Variants in SOBP observed in about 807,000 individuals in gnomAD.
SOBP encodes the protein sine oculis-binding protein homolog.
Under a neutral mutation model 53.6 loss-of-function variants are expected in SOBP, and 4 were observed. That is an observed-to-expected ratio of 0.07 (90% CI 0.04 to 0.17). The LOEUF (loss-of-function observed/expected upper bound fraction) is 0.17. SOBP is among the 10% of genes least tolerant of loss of function. The pLI, the probability that SOBP is intolerant of heterozygous loss-of-function variation, is 1.00. For synonymous variants in SOBP, 584 were observed against 522.6 expected (o/e 1.12, Z -1.60); for missense variants, 1,088 against 1,204.7 (o/e 0.90, Z 1.43).
chr6:107,522,475 A>G (rs1243957691), intron 3 of SOBP, among the ~76,000 whole-genome samples: 2 of 151,918 alleles, frequency 1.3e-5, no homozygotes, highest in Non-Finnish European at 2.9e-5. Context: ...ACAGTGCCTC[A>G]CATATAAGTA....
Position 107,545,556 on chromosome 6 carries a change from G to C in SOBP, c.573+11946G>C, listed in dbSNP as rs942976118. Among the ~76,000 whole-genome samples the C allele has an allele frequency of 5.9e-5, 9 of 152,278 alleles. No individual in the cohort carries two copies. The Middle Eastern group carries it at 0.014, about 230-fold the overall frequency. On this transcript the variant is annotated intron_variant, in intron 4 of 6. Coordinates refer to ENST00000317357, the MANE Select transcript of SOBP (RefSeq NM_018013.4). ...ATGATGACAACTCTATAGAAATGTA[G>C]TGACAAATAAATAGGCAGGTAAGTA... is the stretch of plus-strand genomic sequence containing the variant.
intron 5 of SOBP, among the ~76,000 whole-genome samples, chr6:107,611,957 A>C (rs1786615694): frequency 6.6e-6 from 1 of 152,320 alleles, no homozygotes; most frequent in African/African-American, 2.4e-5. Flanking sequence ...TATGCATTAC[A>C]TCCTCTATAC....
At chr6:107,604,998 C>CA (rs1010959011) in intron 5 of SOBP, among the ~76,000 whole-genome samples, 42 of 152,306 alleles carry the variant, frequency 2.8e-4, no homozygotes, top group African/African-American at 1.0e-3. Context: ...TCCCTGGCCT[C>CA]ACTTCCCTTC....
Position 107,635,382 on chromosome 6 carries a change from C to T in SOBP, c.2538C>T (p.Ser846=), listed in dbSNP as rs902803715. Residue 846 remains serine (S), a synonymous_variant, in exon 6 of 7, where the codon TCC becomes TCT. Transcript: ENST00000317357. This position sits in a 1 kb window ranked among gnomAD's most constrained non-coding sequence, Gnocchi z 4.5. ...EKAAMAPCII[S]SPMLSAGPED... ...CTGCCATGGCACCGTGCATCATCTCCTCGCCCATGCTCAGCGCCGGGCCTG... is the reference window on the plus strand; with the variant it reads ...CTGCCATGGCACCGTGCATCATCTCTTCGCCCATGCTCAGCGCCGGGCCTG... The T allele has an allele frequency of 1.7e-5, 28 of 1,613,358 alleles. No homozygotes were observed. The highest frequency in any genetic ancestry group is 2.2e-5 in the Non-Finnish European group (26 of 1,180,014).
At chr6:107,562,626 C>G (rs1583214457) in intron 4 of SOBP, among the ~76,000 whole-genome samples, 1 of 152,252 alleles carries the variant, frequency 6.6e-6, no homozygotes. Flanking sequence ...CTGGGGCAAA[C>G]AGTTATTTCC....
intron 5 of SOBP, among the ~76,000 whole-genome samples, chr6:107,630,547 T>C (rs183519931): frequency 2.4e-3 from 363 of 152,326 alleles, no homozygotes; most frequent in Non-Finnish European, 4.2e-3. Flanking sequence ...TCACATGATA[T>C]AGCCATTTGT....
intron 4 of SOBP, among the ~76,000 whole-genome samples, chr6:107,555,081 G>A (rs1784570592): frequency 6.6e-6 from 1 of 151,920 alleles, no homozygotes; most frequent in Non-Finnish European, 1.5e-5. Flanking sequence ...AGAAAATTTG[G>A]AAGTCATTTT....
At chr6:107,520,917 G>A (rs1331180368) in intron 3 of SOBP, among the ~76,000 whole-genome samples, 1 of 152,008 alleles carries the variant, frequency 6.6e-6, no homozygotes, top group African/African-American at 2.4e-5. Context: ...CCCATACACA[G>A]ACCTGTCATC....
chr6:107,556,904 A>C (rs931969767), intron 4 of SOBP, among the ~76,000 whole-genome samples: 1 of 152,212 alleles, frequency 6.6e-6, no homozygotes, highest in Admixed American at 6.5e-5. Flanking sequence ...CCAAACTAAA[A>C]CTGTGATCTA....
chr6:107,582,259 G>A (rs1785426666), intron 4 of SOBP, among the ~76,000 whole-genome samples: 1 of 152,128 alleles, frequency 6.6e-6, no homozygotes, highest in African/African-American at 2.4e-5. Context: ...ACATGCACAT[G>A]GCACCAAGAC....
chr6:107,623,648 A>C (rs1016497497), intron 5 of SOBP, among the ~76,000 whole-genome samples: 2 of 152,246 alleles, frequency 1.3e-5, no homozygotes, highest in Non-Finnish European at 2.9e-5. Flanking sequence ...TAAAAAATAC[A>C]GAAACGGACA....
chr6:107,545,674 G>A (rs966782791), intron 4 of SOBP, among the ~76,000 whole-genome samples: 10 of 151,994 alleles, frequency 6.6e-5, no homozygotes, highest in African/African-American at 2.4e-4. Context: ...GATGCCAGAT[G>A]GGAGAGATGA....
chr6:107,543,700 T>TCCATCA lies in SOBP; in HGVS notation c.573+10090_573+10091insCCATCA, dbSNP rs1351173515. Among the ~76,000 whole-genome samples the TCCATCA allele has an allele frequency of 5.3e-5, 8 of 152,336 alleles. No individual in the cohort carries two copies. In the East Asian group the frequency reaches 1.2e-3, roughly 22 times the overall value. The stretch of plus-strand genomic sequence containing the variant: ...GAGGTTAATTCATGAGGCTGAATTC[T>TCCATCA]TTACACGATGGATGTGTCATGCCTG... On this transcript the variant is annotated intron_variant, in intron 4 of 6. Coordinates refer to ENST00000317357, the MANE Select transcript of SOBP (RefSeq NM_018013.4).
At chr6:107,609,282 TC>T (rs1786505250) in intron 5 of SOBP, among the ~76,000 whole-genome samples, 1 of 152,212 alleles carries the variant, frequency 6.6e-6, no homozygotes. Context: ...AATATTTTCT[TC>T]CCTTACTTCA....
At position 107,506,233 on chromosome 6, in the gene SOBP, C is replaced by G; in HGVS notation, c.236-9C>G. Reference sequence around the variant, plus strand: ...TGGTCACATTGAATATGATTTTTTTCTTTTACAGAAAATTCTTTGCCAAAA... The same window carrying G: ...TGGTCACATTGAATATGATTTTTTTGTTTTACAGAAAATTCTTTGCCAAAA... On this transcript the variant is annotated splice_polypyrimidine_tract_variant and intron_variant, in intron 2 of 6. Coordinates refer to ENST00000317357, the MANE Select transcript of SOBP (RefSeq NM_018013.4). The G allele has an allele frequency of 6.2e-7, 1 of 1,612,840 alleles. No homozygotes were observed. The highest frequency in any genetic ancestry group is 8.5e-7 in the Non-Finnish European group (1 of 1,179,140).
intron 4 of SOBP, among the ~76,000 whole-genome samples, chr6:107,552,618 A>G (rs1263245246): frequency 6.6e-6 from 1 of 152,194 alleles, no homozygotes; most frequent in Non-Finnish European, 1.5e-5. Flanking sequence ...TTCCAGTCAA[A>G]TGAGATGAAT....
intron 5 of SOBP, among the ~76,000 whole-genome samples, chr6:107,614,238 C>CA (rs1786699579): frequency 6.6e-6 from 1 of 152,040 alleles, no homozygotes; most frequent in Non-Finnish European, 1.5e-5. Context: ...CCCATCTCTA[C>CA]AAAAAAATTA....
intron 4 of SOBP, among the ~76,000 whole-genome samples, chr6:107,583,210 T>G (rs1326125300): frequency 1.3e-5 from 2 of 152,216 alleles, no homozygotes; most frequent in Admixed American, 1.3e-4. Flanking sequence ...TTCTTACAGA[T>G]CACTTACTGG....
chr6:107,535,599 T>TG (rs2114990761), intron 4 of SOBP, among the ~76,000 whole-genome samples: 1 of 151,684 alleles, frequency 6.6e-6, no homozygotes, highest in East Asian at 1.9e-4. Context: ...AAAGCTCTGA[T>TG]GTGCTATGCC....
Sources: allele counts gnomAD v4.1 joint callset (sites outside exome capture counted in the v4.1 genomes callset), GRCh38; gene constraint gnomAD v4.1.1; non-coding constraint Gnocchi (gnomAD v3.1); transcripts MANE v1.5; gene names NCBI Gene and HGNC (gene_info 2026-07-23, HGNC 2026-07-21).